Variants in PCDH9 observed in about 807,000 individuals in gnomAD.
PCDH9 encodes protocadherin-9.
PCDH9 carries 24 observed loss-of-function variants against 70.6 expected under a neutral mutation model. That is an observed-to-expected ratio of 0.34 (90% CI 0.25 to 0.48). PCDH9 has a LOEUF of 0.48. Ranked by LOEUF, PCDH9 falls within the 20% of genes least tolerant of loss-of-function variation. The probability of loss-of-function intolerance (pLI) is 0.99; values close to 1 mark genes in which losing one functional copy is unlikely to be tolerated. For missense variants in PCDH9, 1,281 were observed against 1,503.6 expected (o/e 0.85, Z 2.45); for synonymous variants, 562 against 558.5 (o/e 1.01, Z -0.09).
At chr13:66,735,780 A>C (rs2079139192) in intron 3 of PCDH9, among the ~76,000 whole-genome samples, 1 of 152,136 alleles carries the variant, frequency 6.6e-6, no homozygotes, top group Admixed American at 6.5e-5. Flanking sequence ...CCTGGCCAAC[A>C]TGGTGAAACC....
chr13:67,156,384 G>C (rs970013706), intron 2 of PCDH9, among the ~76,000 whole-genome samples: 3 of 152,074 alleles, frequency 2.0e-5, no homozygotes, highest in African/African-American at 7.2e-5. Context: ...ATGAAAGAAG[G>C]CACAAGCATC....
At chr13:66,484,882 G>A (rs1471366122) in intron 4 of PCDH9, among the ~76,000 whole-genome samples, 1 of 152,144 alleles carries the variant, frequency 6.6e-6, no homozygotes, top group Non-Finnish European at 1.5e-5. Context: ...ACATGTAAGA[G>A]TGCTTTGTAA....
At chr13:66,365,193 C>T (rs540113136) in intron 4 of PCDH9, among the ~76,000 whole-genome samples, 4 of 152,250 alleles carry the variant, frequency 2.6e-5, no homozygotes, top group African/African-American at 7.2e-5. Context: ...CATCACATCA[C>T]AAAAGTGAAG....
At chr13:66,393,708 G>A (rs1052454466) in intron 4 of PCDH9, among the ~76,000 whole-genome samples, 1 of 152,144 alleles carries the variant, frequency 6.6e-6, no homozygotes, top group Non-Finnish European at 1.5e-5. Flanking sequence ...AAAATTTCAG[G>A]ATAGTGAAAG....
At position 66,979,051 on chromosome 13, in the gene PCDH9, A is replaced by T. The variant is rs1341274989; in HGVS notation, c.3037-75446T>A. Reference sequence around the variant, plus strand: ...TCTTTTATTCTAATGTTGAATATCCATATTTGGGTAGCAAAGAAAGACATG... The same window carrying T: ...TCTTTTATTCTAATGTTGAATATCCTTATTTGGGTAGCAAAGAAAGACATG... On this transcript the variant is annotated intron_variant, in intron 2 of 4. Coordinates refer to ENST00000377865, the MANE Select transcript of PCDH9 (RefSeq NM_203487.3). 2.0e-5 allele frequency among the ~76,000 whole-genome samples: 3 copies of T among 152,192 alleles called. No homozygotes were observed. The East Asian group carries it at 5.8e-4, about 29-fold the overall frequency.
chr13:67,133,369 A>G (rs1440799911), intron 2 of PCDH9, among the ~76,000 whole-genome samples: 1 of 152,090 alleles, frequency 6.6e-6, no homozygotes, highest in Non-Finnish European at 1.5e-5. Flanking sequence ...CCCCATAATA[A>G]AATATGCTTC....
At chr13:67,032,858 GCATT>G (rs1346062634) in intron 2 of PCDH9, among the ~76,000 whole-genome samples, 1 of 152,132 alleles carries the variant, frequency 6.6e-6, no homozygotes, top group Non-Finnish European at 1.5e-5. Context: ...GTGTTTTGAA[GCATT>G]CAGTCAGTTA....
intron 4 of PCDH9, among the ~76,000 whole-genome samples, chr13:66,382,122 A>G (rs1425339387): frequency 6.6e-6 from 1 of 152,218 alleles, no homozygotes; most frequent in Non-Finnish European, 1.5e-5. Flanking sequence ...AAAGTAGTAT[A>G]ATCTTTCCTT....
At chr13:66,406,815 A>G (rs73507925) in intron 4 of PCDH9, among the ~76,000 whole-genome samples, 12,405 of 152,242 alleles carry the variant, frequency 0.081, 594 homozygotes, top group African/African-American at 0.11. Context: ...AGATGCATAT[A>G]TATATTAAAT....
chr13:67,181,791 G>C lies in PCDH9; in HGVS notation c.3036+43614C>G, dbSNP rs549946404. On this transcript the variant is annotated intron_variant, in intron 2 of 4. Coordinates refer to ENST00000377865, the MANE Select transcript of PCDH9 (RefSeq NM_203487.3). ...AAAAAACACCACTACAAAATAAGTT[G>C]TTTCTACAACCATTCTTCTCAAGAT... Among the ~76,000 whole-genome samples, 4 of 152,250 alleles carry C rather than the reference G, an allele frequency of 2.6e-5. No homozygotes were observed. In the South Asian group the frequency reaches 8.3e-4, roughly 32 times the overall value.
intron 4 of PCDH9, among the ~76,000 whole-genome samples, chr13:66,351,095 A>G (rs369607842): frequency 6.6e-6 from 1 of 152,214 alleles, no homozygotes; most frequent in East Asian, 1.9e-4. Flanking sequence ...TATTACAAAT[A>G]ATCATTTCTC....
chr13:67,036,861 C>G (rs1019696062), intron 2 of PCDH9, among the ~76,000 whole-genome samples: 1 of 152,168 alleles, frequency 6.6e-6, no homozygotes, highest in African/African-American at 2.4e-5. Context: ...TAAGCGGAAG[C>G]CTTCGTGGTC....
chr13:66,664,973 C>G (rs1299256057), intron 3 of PCDH9, among the ~76,000 whole-genome samples: 1 of 152,106 alleles, frequency 6.6e-6, no homozygotes, highest in Admixed American at 6.5e-5. Flanking sequence ...AAAATGCAGT[C>G]TACTTACACA....
intron 2 of PCDH9, among the ~76,000 whole-genome samples, chr13:67,024,622 A>G (rs1473132437): frequency 1.3e-5 from 2 of 152,090 alleles, no homozygotes; most frequent in African/African-American, 4.8e-5. Flanking sequence ...ACATTCAGTG[A>G]TATGACACTG....
At chr13:66,419,176 G>A (rs1957517087) in intron 4 of PCDH9, among the ~76,000 whole-genome samples, 1 of 151,314 alleles carries the variant, frequency 6.6e-6, no homozygotes, top group Non-Finnish European at 1.5e-5. Context: ...AGAAAAAGAG[G>A]GACTCCTCCC....
intron 4 of PCDH9, among the ~76,000 whole-genome samples, chr13:66,532,500 C>G (rs1392559095): frequency 6.6e-6 from 1 of 152,032 alleles, no homozygotes; most frequent in African/African-American, 2.4e-5. Context: ...GGCAATGAAT[C>G]GAAATGCTAT....
intron 3 of PCDH9, among the ~76,000 whole-genome samples, chr13:66,827,317 A>G (rs1026710451): frequency 2.0e-5 from 3 of 147,288 alleles, no homozygotes; most frequent in African/African-American, 7.5e-5. Context: ...GTTTGTGGCA[A>G]TTTGTTACAG....
At chr13:66,895,906 T>C (rs2082171054) in intron 3 of PCDH9, among the ~76,000 whole-genome samples, 1 of 152,226 alleles carries the variant, frequency 6.6e-6, no homozygotes, top group Admixed American at 6.5e-5. Flanking sequence ...CATGAACAGC[T>C]GCATCACAGC....
chr13:67,150,035 A>G (rs1287134685), intron 2 of PCDH9, among the ~76,000 whole-genome samples: 1 of 152,030 alleles, frequency 6.6e-6, no homozygotes, highest in African/African-American at 2.4e-5. Context: ...ACATAATTTG[A>G]GTTTTATTTA....
Sources: gnomAD v4.1 joint callset for allele counts (sites outside exome capture counted in the v4.1 genomes callset) on GRCh38, gnomAD v4.1.1 for gene constraint, MANE v1.5 for transcripts, NCBI Gene and HGNC (gene_info 2026-07-23, HGNC 2026-07-21) for gene names.